TACR3: variants seen among roughly 807,000 people sequenced by gnomAD.
The protein encoded by TACR3 is tachykinin receptor 3.
Under a neutral mutation model 35.0 loss-of-function variants are expected in TACR3, and 34 were observed. The ratio of observed to expected loss-of-function variants is 0.97; its 90% confidence interval spans 0.74 to 1.30. The LOEUF (loss-of-function observed/expected upper bound fraction) is 1.30, where lower values mean the gene tolerates loss of function less well. Among genes scored for constraint, TACR3 ranks in the 50% most tolerant of loss-of-function variants. The probability of loss-of-function intolerance (pLI) is 0.00; values close to 1 mark genes in which losing one functional copy is unlikely to be tolerated. For synonymous variants in TACR3, 233 were observed against 221.1 expected, an observed-to-expected ratio of 1.05 and a Z score of -0.48; for missense variants, 558 against 591.7, an observed-to-expected ratio of 0.94 and a Z score of 0.59.
chr4:103,599,397 C>A (rs1274476004), intron 3 of TACR3, among the ~76,000 whole-genome samples: 1 of 152,198 alleles, frequency 6.6e-6, no homozygotes, highest in Admixed American at 6.5e-5. Context: ...ATGTCATCTG[C>A]AAACAGAGAC....
chr4:103,705,855 A>G (rs1311916392), intron 1 of TACR3, among the ~76,000 whole-genome samples: 1 of 152,204 alleles, frequency 6.6e-6, no homozygotes, highest in Non-Finnish European at 1.5e-5. Flanking sequence ...GAATTATCTA[A>G]TGAAATTTTA....
intron 1 of TACR3, among the ~76,000 whole-genome samples, chr4:103,710,262 G>A (rs1175739437): frequency 1.3e-5 from 2 of 152,252 alleles, no homozygotes; most frequent in African/African-American, 4.8e-5. Context: ...TGGAAGTAAA[G>A]CACTCCTCAG....
In TACR3 at chr4:103,589,132, A is replaced by T. The variant is rs547120205; in HGVS notation, c.*550T>A. 3 of 152,670 alleles carry T rather than the reference A, an allele frequency of 2.0e-5. No homozygotes were observed. In the South Asian group the frequency reaches 6.2e-4, roughly 31 times the overall value. 9.5% of individuals were successfully genotyped at this position (152,670 alleles called of 1,614,324 possible). ...TTAAATCTTTAAATCTTTACATTCTACAAAATGAGTTTTCTTGAGCAAAGA... is the reference window on the plus strand; with the variant it reads ...TTAAATCTTTAAATCTTTACATTCTTCAAAATGAGTTTTCTTGAGCAAAGA... On this transcript the variant is annotated 3_prime_UTR_variant, in exon 5 of 5. Transcript: ENST00000304883.
intron 1 of TACR3, among the ~76,000 whole-genome samples, chr4:103,681,859 T>C (rs1400158499): frequency 1.3e-5 from 2 of 151,920 alleles, no homozygotes; most frequent in African/African-American, 4.8e-5. Context: ...TATTCTAGAA[T>C]AGAAAACAAA....
intron 3 of TACR3, among the ~76,000 whole-genome samples, chr4:103,614,887 T>G (rs1008878001): frequency 4.3e-5 from 4 of 93,386 alleles, no homozygotes; most frequent in East Asian, 2.8e-4. Context: ...TGAATGTGTT[T>G]TTTTTTTTTT....
At chr4:103,699,765 C>T (rs1054727150) in intron 1 of TACR3, among the ~76,000 whole-genome samples, 9 of 152,028 alleles carry the variant, frequency 5.9e-5, no homozygotes, top group African/African-American at 2.2e-4. Flanking sequence ...GGAGTTTTGA[C>T]CTGAGGCTCA....
intron 3 of TACR3, among the ~76,000 whole-genome samples, chr4:103,623,553 G>T (rs578244335): frequency 2.6e-5 from 4 of 152,184 alleles, no homozygotes; most frequent in African/African-American, 7.2e-5. Context: ...CCCATTTTAG[G>T]TTATGAGACT....
At chr4:103,701,814 T>C (rs983457661) in intron 1 of TACR3, among the ~76,000 whole-genome samples, 27 of 152,200 alleles carry the variant, frequency 1.8e-4, no homozygotes, top group Non-Finnish European at 3.7e-4. Context: ...ATTCCCTATT[T>C]AATCAATGGT....
chr4:103,628,482 A>G (rs1724964443), intron 3 of TACR3, among the ~76,000 whole-genome samples: 1 of 152,232 alleles, frequency 6.6e-6, no homozygotes, highest in Non-Finnish European at 1.5e-5. Flanking sequence ...CACTGATCCC[A>G]CAGAAATACA....
intron 1 of TACR3, among the ~76,000 whole-genome samples, chr4:103,692,844 T>C (rs1230265562): frequency 2.6e-5 from 4 of 152,160 alleles, no homozygotes; most frequent in South Asian, 4.1e-4. Context: ...GGGAGAGTCA[T>C]TGCCCAGGCT....
intron 3 of TACR3, among the ~76,000 whole-genome samples, chr4:103,605,752 A>C (rs1724340637): frequency 1.3e-5 from 2 of 151,258 alleles, no homozygotes; most frequent in African/African-American, 4.9e-5. Flanking sequence ...AGGTTGTGAA[A>C]ATTTTCTCCC....
At chr4:103,603,862 G>A (rs59055890) in intron 3 of TACR3, among the ~76,000 whole-genome samples, 77,361 of 151,870 alleles carry the variant, frequency 0.51, 23,125 homozygotes, top group Non-Finnish European at 0.65. Context: ...AATGATCACC[G>A]AACTACAAAC....
intron 1 of TACR3, among the ~76,000 whole-genome samples, chr4:103,668,516 T>A (rs939715838): frequency 1.5e-4 from 23 of 152,128 alleles, no homozygotes; most frequent in African/African-American, 5.6e-4. Context: ...GCTTACTTTT[T>A]AAATTTTATT....
At chr4:103,657,917 A>G (rs971708823) in intron 2 of TACR3, among the ~76,000 whole-genome samples, 2 of 151,788 alleles carry the variant, frequency 1.3e-5, no homozygotes, top group African/African-American at 4.8e-5. Flanking sequence ...TTCTCAATCA[A>G]TAACACAATG....
At chr4:103,691,722 C>T (rs975873921) in intron 1 of TACR3, among the ~76,000 whole-genome samples, 6 of 152,138 alleles carry the variant, frequency 3.9e-5, no homozygotes, top group African/African-American at 7.2e-5. Flanking sequence ...AAGGAACACC[C>T]GGCCTGCCCA....
At chr4:103,599,021 T>C (rs1354985692) in intron 3 of TACR3, among the ~76,000 whole-genome samples, 3 of 152,198 alleles carry the variant, frequency 2.0e-5, no homozygotes, top group African/African-American at 7.2e-5. Context: ...GGGGATGGCA[T>C]TGAATCTGTA....
intron 3 of TACR3, among the ~76,000 whole-genome samples, chr4:103,629,862 A>AAAAAAAC (rs1725011400): frequency 5.0e-4 from 56 of 111,570 alleles, no homozygotes; most frequent in South Asian, 8.5e-4. Context: ...AAAAAAAAAC[A>AAAAAAAC]AAAAAAAAAC....
At chr4:103,676,618 A>G (rs908195147) in intron 1 of TACR3, among the ~76,000 whole-genome samples, 1 of 150,142 alleles carries the variant, frequency 6.7e-6, no homozygotes, top group Non-Finnish European at 1.5e-5. Context: ...GCAGTGGGGA[A>G]AGGATTCTCT....
chr4:103,702,517 GA>G (rs1722678741), intron 1 of TACR3, among the ~76,000 whole-genome samples: 1 of 152,102 alleles, frequency 6.6e-6, no homozygotes, highest in Admixed American at 6.5e-5. Context: ...TCTAGAACTA[GA>G]AATACCATTT....
Sources: gnomAD v4.1 joint callset for allele counts (sites outside exome capture counted in the v4.1 genomes callset) on GRCh38, gnomAD v4.1.1 for gene constraint, MANE v1.5 for transcripts, NCBI Gene and HGNC (gene_info 2026-07-23, HGNC 2026-07-21) for gene names.